The following ZNF804B variants were observed in gnomAD, a reference collection of about 807,000 sequenced individuals.
The protein encoded by ZNF804B is zinc finger 804B.
ZNF804B carries 80 observed loss-of-function variants against 101.4 expected under a neutral mutation model. The observed-to-expected ratio is 0.79, with a 90% CI of 0.66 to 0.95. ZNF804B has a LOEUF of 0.95. Ranked by LOEUF, ZNF804B falls within the 40% of genes least tolerant of loss-of-function variation. The pLI is 0.00. For missense variants in ZNF804B, 1,673 were observed against 1,561.9 expected (o/e 1.07, Z -1.20); for synonymous variants, 622 against 558.8 (o/e 1.11, Z -1.59).
At chr7:89,256,346 G>A (rs994456707) in intron 2 of ZNF804B, among the ~76,000 whole-genome samples, 2 of 152,130 alleles carry the variant, frequency 1.3e-5, no homozygotes, top group Non-Finnish European at 2.9e-5. Context: ...TTAAGCCCAG[G>A]AATTGAAGAC....
chr7:89,285,490 T>C (rs1790174294), intron 2 of ZNF804B, among the ~76,000 whole-genome samples: 1 of 115,014 alleles, frequency 8.7e-6, no homozygotes, highest in South Asian at 3.0e-4. Context: ...GCCACTGCAC[T>C]CCAGCCTGGG....
intron 2 of ZNF804B, among the ~76,000 whole-genome samples, chr7:89,319,186 G>T (rs550942331): frequency 2.6e-5 from 4 of 152,154 alleles, no homozygotes; most frequent in Non-Finnish European, 4.4e-5. Context: ...GTGCTGCAGA[G>T]ATTTTATTTA....
chr7:89,166,958 G>A (rs1791153446), intron 1 of ZNF804B, among the ~76,000 whole-genome samples: 1 of 152,088 alleles, frequency 6.6e-6, no homozygotes, highest in Non-Finnish European at 1.5e-5. Context: ...ATGGTACCAG[G>A]TAGGGTCGGT....
chr7:88,929,358 T>G (rs1584022452), intron 1 of ZNF804B, among the ~76,000 whole-genome samples: 1 of 151,484 alleles, frequency 6.6e-6, no homozygotes, highest in African/African-American at 2.4e-5. Flanking sequence ...AAAAAAAAAT[T>G]AGCTCATGGG....
rs1584011739 is a variant in ZNF804B, at chr7:89,142,144, T to C, written c.109-76011T>C. Among the ~76,000 whole-genome samples, 7 of 151,888 alleles carry C rather than the reference T, an allele frequency of 4.6e-5. No homozygotes were observed. The East Asian group carries it at 1.4e-3, about 29-fold the overall frequency. Reference sequence around the variant, plus strand: ...AAATCAGGACTGTAAAGTGTATGCCTAATGATTTCCCATCAAAACTCTTGC... The same window carrying C: ...AAATCAGGACTGTAAAGTGTATGCCCAATGATTTCCCATCAAAACTCTTGC... On this transcript the variant is annotated intron_variant, in intron 1 of 3. Coordinates refer to ENST00000333190, the MANE Select transcript of ZNF804B (RefSeq NM_181646.5).
intron 1 of ZNF804B, among the ~76,000 whole-genome samples, chr7:89,072,929 T>G (rs933212903): frequency 1.3e-5 from 2 of 152,104 alleles, no homozygotes; most frequent in East Asian, 3.9e-4. Flanking sequence ...CTATTAGGTT[T>G]CTGAAATGAG....
At chr7:88,995,524 A>T (rs1788176391) in intron 1 of ZNF804B, among the ~76,000 whole-genome samples, 2 of 152,004 alleles carry the variant, frequency 1.3e-5, no homozygotes. Context: ...CACATTGTAC[A>T]TTTCTTCCCC....
At chr7:88,847,478 A>T (rs1260432537) in intron 1 of ZNF804B, among the ~76,000 whole-genome samples, 1 of 152,166 alleles carries the variant, frequency 6.6e-6, no homozygotes, top group Non-Finnish European at 1.5e-5. Flanking sequence ...AATTATTAAA[A>T]TATAAAATAA....
chr7:88,862,999 A>G (rs1490398058), intron 1 of ZNF804B, among the ~76,000 whole-genome samples: 5 of 152,038 alleles, frequency 3.3e-5, no homozygotes, highest in Non-Finnish European at 7.4e-5. Context: ...TCCCCTCATA[A>G]TATCTATTAG....
At chr7:89,304,336 A>T (rs1584115143) in intron 2 of ZNF804B, among the ~76,000 whole-genome samples, 1 of 152,042 alleles carries the variant, frequency 6.6e-6, no homozygotes, top group Non-Finnish European at 1.5e-5. Flanking sequence ...TTTAAAAATT[A>T]CCTGCCTTAG....
intron 1 of ZNF804B, among the ~76,000 whole-genome samples, chr7:88,858,018 T>C (rs1791597452): frequency 6.6e-6 from 1 of 151,928 alleles, no homozygotes; most frequent in African/African-American, 2.4e-5. Context: ...AGACAGGGTT[T>C]TGCCATGTTG....
chr7:88,771,699 A>G (rs1374449934), intron 1 of ZNF804B, among the ~76,000 whole-genome samples: 2 of 152,154 alleles, frequency 1.3e-5, no homozygotes, highest in African/African-American at 2.4e-5. Flanking sequence ...AATAAAACAT[A>G]TATATTATAT....
intron 1 of ZNF804B, among the ~76,000 whole-genome samples, chr7:88,865,002 G>A (rs1355466759): frequency 1.3e-5 from 2 of 151,980 alleles, no homozygotes; most frequent in Non-Finnish European, 2.9e-5. Flanking sequence ...GCCAAGGCAG[G>A]TGGATCACCT....
At chr7:88,952,237 T>C (rs748615317) in intron 1 of ZNF804B, among the ~76,000 whole-genome samples, 1 of 151,808 alleles carries the variant, frequency 6.6e-6, no homozygotes, top group Non-Finnish European at 1.5e-5. Flanking sequence ...GTGAGAATTA[T>C]TGTCATTAGT....
intron 1 of ZNF804B, among the ~76,000 whole-genome samples, chr7:89,086,969 C>A (rs911569265): frequency 1.4e-5 from 2 of 147,954 alleles, no homozygotes; most frequent in Admixed American, 1.4e-4. Flanking sequence ...TACCCTAAAA[C>A]TTAAAGTATA....
intron 1 of ZNF804B, among the ~76,000 whole-genome samples, chr7:89,105,077 A>T (rs1469058500): frequency 6.6e-6 from 1 of 152,204 alleles, no homozygotes; most frequent in East Asian, 1.9e-4. Flanking sequence ...TTCAATGGTT[A>T]CTTGGTTTTG....
At chr7:88,930,889 A>G (rs968835208) in intron 1 of ZNF804B, among the ~76,000 whole-genome samples, 5 of 151,978 alleles carry the variant, frequency 3.3e-5, no homozygotes, top group Admixed American at 6.6e-5. Flanking sequence ...AAAGAGAGCT[A>G]TCAAATGATT....
At chr7:89,150,535 T>C (rs1289010235) in intron 1 of ZNF804B, among the ~76,000 whole-genome samples, 1 of 152,130 alleles carries the variant, frequency 6.6e-6, no homozygotes, top group Non-Finnish European at 1.5e-5. Context: ...GGTAGATCAT[T>C]TAACCCTGTC....
At chr7:89,182,571 AC>A (rs1302079191) in intron 1 of ZNF804B, among the ~76,000 whole-genome samples, 2 of 152,178 alleles carry the variant, frequency 1.3e-5, no homozygotes, top group African/African-American at 2.4e-5. Context: ...AATTAAGTTC[AC>A]TTTTTCTTGA....
Sources: gnomAD v4.1 joint callset for allele counts (sites outside exome capture counted in the v4.1 genomes callset) on GRCh38, gnomAD v4.1.1 for gene constraint, MANE v1.5 for transcripts, NCBI Gene and HGNC (gene_info 2026-07-23, HGNC 2026-07-21) for gene names.